The following DCAF13 variants were observed in gnomAD, a reference collection of about 807,000 sequenced individuals.
DCAF13 encodes the protein DDB1- and CUL4-associated factor 13.
A neutral mutation model predicts 59.0 loss-of-function variants in DCAF13; 38 were observed. That is an observed-to-expected ratio of 0.64 (90% CI 0.50 to 0.84). The LOEUF is 0.84. Ranked by LOEUF, DCAF13 falls within the 40% of genes least tolerant of loss-of-function variation. DCAF13 has a pLI of 0.00. For synonymous variants in DCAF13, 173 were observed against 175.0 expected, an observed-to-expected ratio of 0.99 and a Z score of 0.09; for missense variants, 469 against 558.4, an observed-to-expected ratio of 0.84 and a Z score of 1.61.
chr8:103,432,192 C>T (rs1367023428), intron 6 of DCAF13, among the ~76,000 whole-genome samples: 1 of 152,134 alleles, frequency 6.6e-6, no homozygotes, highest in African/African-American at 2.4e-5. Context: ...GGCAAAACAT[C>T]CTACAGTGGA....
chr8:103,415,916 A>G (rs1586122748), intron 1 of DCAF13, among the ~76,000 whole-genome samples: 1 of 152,192 alleles, frequency 6.6e-6, no homozygotes, highest in East Asian at 1.9e-4. Context: ...ACTACTTCAC[A>G]TTAGTTGTGG....
intron 3 of DCAF13, among the ~76,000 whole-genome samples, chr8:103,423,747 C>T (rs188970912): frequency 6.6e-6 from 1 of 152,222 alleles, no homozygotes; most frequent in Non-Finnish European, 1.5e-5. Context: ...ACAGTGTCTA[C>T]GTGTATCAAA....
intron 1 of DCAF13, among the ~76,000 whole-genome samples, chr8:103,419,397 A>C (rs1816691406): frequency 6.6e-6 from 1 of 152,220 alleles, no homozygotes; most frequent in African/African-American, 2.4e-5. Context: ...TAAACGGTTA[A>C]GGTTTTTGGA....
chr8:103,417,432 G>A (rs1188600371), intron 1 of DCAF13, among the ~76,000 whole-genome samples: 1 of 151,786 alleles, frequency 6.6e-6, no homozygotes, highest in African/African-American at 2.4e-5. Flanking sequence ...ACGAGGTCAG[G>A]AGATTGAGAC....
At chr8:103,419,309 ACCTCT>A (rs1816690335) in intron 1 of DCAF13, among the ~76,000 whole-genome samples, 2 of 152,094 alleles carry the variant, frequency 1.3e-5, no homozygotes, top group African/African-American at 4.8e-5. Context: ...GAGTTACTTA[ACCTCT>A]TTATGCCTCA....
rs1370069107 is a variant in DCAF13 at position 103,440,230 on chromosome 8, A to G, written c.1045A>G (p.Ile349Val). 1.3e-6 allele frequency: 2 copies of G among 1,598,772 alleles called. No homozygotes were observed. The highest frequency in any genetic ancestry group is 1.7e-6 in the Non-Finnish European group (2 of 1,173,782). Residue 349 changes from isoleucine (I) to valine (V), a missense_variant, in exon 9 of 11, where the codon ATT (isoleucine) becomes GTT (valine). Ile to Val is a conservative substitution (Grantham distance 29). Transcript: ENST00000612750. ...TATGTGTGGATCTGATGAAATGAACATTCGCCTGTGGAAAGCTAATGCTTC... is the reference window on the plus strand; with the variant it reads ...TATGTGTGGATCTGATGAAATGAACGTTCGCCTGTGGAAAGCTAATGCTTC... Reference protein sequence around the residue: ...YIMCGSDEMNIRLWKANASEK... With the variant: ...YIMCGSDEMNVRLWKANASEK...
chr8:103,440,387 C>A, intron 9 of DCAF13, 116 bp downstream of exon 9: 1 of 929,348 alleles, frequency 1.1e-6, no homozygotes, highest in Non-Finnish European at 1.5e-6. Context: ...ATTGACATAG[C>A]TGTGATAAAA....
intron 7 of DCAF13, 126 bp from the exon 8 acceptor site, chr8:103,435,500 G>A (rs1266885449): frequency 5.6e-6 from 4 of 717,808 alleles, no homozygotes; most frequent in Non-Finnish European, 8.6e-6. Context: ...CTTGTGTACA[G>A]CATTGAGCTT....
At chr8:103,424,079 C>T (rs1816757482) in intron 3 of DCAF13, among the ~76,000 whole-genome samples, 1 of 151,886 alleles carries the variant, frequency 6.6e-6, no homozygotes, top group Non-Finnish European at 1.5e-5. Context: ...AGTGCAGTGG[C>T]ATGATCTCTG....
At chr8:103,420,492 A>C (rs1816708471) in intron 2 of DCAF13, 29 bp downstream of exon 2, 2 of 1,590,730 alleles carry the variant, frequency 1.3e-6, no homozygotes, top group African/African-American at 2.7e-5. Context: ...GATATTTTCA[A>C]CTAAAAGTAG....
intron 8 of DCAF13, 49 bp downstream of exon 8, chr8:103,435,839 G>C: frequency 6.4e-7 from 1 of 1,574,046 alleles, no homozygotes; most frequent in Non-Finnish European, 8.7e-7. Flanking sequence ...ACTTAACAAT[G>C]GGGATGCATT....
intron 8 of DCAF13, among the ~76,000 whole-genome samples, chr8:103,436,000 T>C (rs1230333631): frequency 6.6e-6 from 1 of 152,348 alleles, no homozygotes; most frequent in Non-Finnish European, 1.5e-5. Context: ...CTGTTCAGCA[T>C]GTTACTGTGC....
rs779664874 is a variant in DCAF13, at chr8:103,440,261, AAT to A, written c.1077_1078del (p.Lys359AsnfsTer15). 4 of 1,586,386 alleles carry A rather than the reference AAT, an allele frequency of 2.5e-6. No homozygotes were observed. In the South Asian group the frequency reaches 4.7e-5, roughly 18 times the overall value. ...CTGTGGAAAGCTAATGCTTCTGAAAAATTGGGTGTGGTAAGAGAATTCATTTT... is the reference window on the plus strand; with the variant it reads ...CTGTGGAAAGCTAATGCTTCTGAAAATGGGTGTGGTAAGAGAATTCATTTT... On this transcript the variant is annotated frameshift_variant, in exon 9 of 11. Coordinates refer to ENST00000612750, the MANE Select transcript of DCAF13 (RefSeq NM_015420.7). LOFTEE classifies it high-confidence loss of function.
intron 4 of DCAF13, among the ~76,000 whole-genome samples, chr8:103,426,748 A>G (rs1176345215): frequency 6.6e-6 from 1 of 152,128 alleles, no homozygotes; most frequent in Non-Finnish European, 1.5e-5. Context: ...TTTAAAAATC[A>G]CTTTGTCGTT....
intron 1 of DCAF13, among the ~76,000 whole-genome samples, chr8:103,417,591 G>C (rs1214463567): frequency 6.8e-6 from 1 of 146,680 alleles, no homozygotes; most frequent in Non-Finnish European, 1.5e-5. Flanking sequence ...GCAGTGAGCC[G>C]AGATTGCGTC....
chr8:103,441,245 T>A, intron 9 of DCAF13: 1 of 460,630 alleles, frequency 2.2e-6, no homozygotes, highest in Non-Finnish European at 3.8e-6. Flanking sequence ...GTGGCATCTA[T>A]CTACATGGCG....
intron 2 of DCAF13, 60 bp from the exon 3 acceptor site, chr8:103,420,914 AT>A: frequency 8.2e-7 from 1 of 1,220,344 alleles, no homozygotes; most frequent in Non-Finnish European, 1.2e-6. Context: ...TCAGTGTTGA[AT>A]TTATCCTGAA....
At chr8:103,424,725 G>A (rs986570036) in intron 3 of DCAF13, among the ~76,000 whole-genome samples, 2 of 152,132 alleles carry the variant, frequency 1.3e-5, no homozygotes, top group African/African-American at 4.8e-5. Flanking sequence ...CTTCAGGAAC[G>A]GGGTGCTCAG....
In DCAF13 at chr8:103,415,439, C is replaced by G. The variant is rs1234218099; in HGVS notation, c.-8C>G. ...ACCTCGTGGAGTCCGGCCGGAAGAG[C>G]AACCGAGATGAAGGTGAAGATGCTG... On this transcript the variant is annotated 5_prime_UTR_variant, in exon 1 of 11. Transcript: ENST00000612750. 1.1e-5 allele frequency: 17 copies of G among 1,614,114 alleles called. No homozygotes were observed. The Admixed American group carries it at 1.8e-4, about 17-fold the overall frequency.
Sources: allele counts gnomAD v4.1 joint callset (sites outside exome capture counted in the v4.1 genomes callset), GRCh38; gene constraint gnomAD v4.1.1; transcripts MANE v1.5; gene names NCBI Gene and HGNC (gene_info 2026-07-23, HGNC 2026-07-21).